LIPK: variants seen among roughly 807,000 people sequenced by gnomAD.
LIPK encodes lipase member K.
LIPK carries 32 observed loss-of-function variants against 48.6 expected under a neutral mutation model. That is an observed-to-expected ratio of 0.66 (90% CI 0.50 to 0.88). The LOEUF (loss-of-function observed/expected upper bound fraction) is 0.88, where lower values mean the gene tolerates loss of function less well. LIPK is among the 40% of genes least tolerant of loss of function. The pLI is 0.00. For missense variants in LIPK, 507 were observed against 478.5 expected, an observed-to-expected ratio of 1.06 and a Z score of -0.56; for synonymous variants, 164 against 157.4, an observed-to-expected ratio of 1.04 and a Z score of -0.32.
chr10:88,720,666 CAT>C (rs1842204625), intron 1 of LIPK, among the ~76,000 whole-genome samples: 2 of 151,774 alleles, frequency 1.3e-5, no homozygotes, highest in South Asian at 2.1e-4. Context: ...TATCCAGATA[CAT>C]GTGTGTGTAT....
Position 88,731,042 on chromosome 10 carries a change from T to G in LIPK, c.283T>G (p.Cys95Gly). Residue 95 changes from cysteine (C) to glycine (G), a missense_variant, in exon 4 of 10, where the codon TGC becomes GGC. Coordinates refer to ENST00000404190, the MANE Select transcript of LIPK (RefSeq NM_001080518.2). ...GLIASASNWI[C>G]NLPNNSLAFL... ...AATTGCATCTGCCAGTAACTGGATT[T>G]GCAACCTGCCCAACAACAGTTTGGC... The G allele has an allele frequency of 6.3e-7, 1 of 1,599,352 alleles. No individual in the cohort carries two copies. Among genetic ancestry groups the G allele is most frequent in the South Asian group, 1.1e-5 (1 of 88,084 alleles).
At chr10:88,727,967 G>A (rs547897395) in intron 3 of LIPK, 48 of 331,000 alleles carry the variant, frequency 1.5e-4, no homozygotes, top group African/African-American at 8.5e-4. Flanking sequence ...AACTTTCTGC[G>A]GCAGCTGGAC....
intron 4 of LIPK, among the ~76,000 whole-genome samples, chr10:88,731,390 C>T (rs1397713597): frequency 6.6e-6 from 1 of 152,184 alleles, no homozygotes; most frequent in Non-Finnish European, 1.5e-5. Flanking sequence ...CTCCTGCCTC[C>T]GTCCTGGTGT....
intron 7 of LIPK, 131 bp downstream of exon 7, chr10:88,737,912 A>T (rs762115163): frequency 7.4e-5 from 67 of 903,852 alleles, no homozygotes; most frequent in Non-Finnish European, 1.1e-4. Flanking sequence ...TAGTACATTT[A>T]TGGCTTCCAA....
intron 2 of LIPK, 107 bp from the exon 3 acceptor site, chr10:88,726,688 G>A (rs72822172): frequency 0.038 from 25,964 of 678,664 alleles, 660 homozygotes; most frequent in Middle Eastern, 0.059. Flanking sequence ...AGTGAGACCC[G>A]TCTCAAACAA....
At chr10:88,751,597 TA>T (rs1305436278) in intron 9 of LIPK, among the ~76,000 whole-genome samples, 4 of 152,122 alleles carry the variant, frequency 2.6e-5, no homozygotes, top group Non-Finnish European at 5.9e-5. Context: ...TGAAAATGTA[TA>T]ACTCAACTCT....
intron 1 of LIPK, among the ~76,000 whole-genome samples, chr10:88,723,701 C>T (rs114955839): frequency 0.032 from 4,872 of 151,750 alleles, 252 homozygotes; most frequent in African/African-American, 0.11. Context: ...GTGAAAAACA[C>T]TTTAAAAATG....
intron 1 of LIPK, among the ~76,000 whole-genome samples, chr10:88,720,175 G>C (rs1026634847): frequency 1.1e-4 from 16 of 152,270 alleles, no homozygotes; most frequent in Non-Finnish European, 1.5e-4. Flanking sequence ...AGTAGCAGCT[G>C]TCTCCACTGT....
intron 6 of LIPK, among the ~76,000 whole-genome samples, chr10:88,735,004 G>A (rs1337777032): frequency 1.3e-5 from 2 of 152,078 alleles, no homozygotes; most frequent in Non-Finnish European, 2.9e-5. Context: ...CATTGATGCT[G>A]CCAGTTCTTT....
chr10:88,730,936 C>T (rs1171007975), intron 3 of LIPK, 47 bp from the exon 4 acceptor site: 1 of 1,446,320 alleles, frequency 6.9e-7, no homozygotes, highest in South Asian at 1.4e-5. Context: ...TTCTTGTAGA[C>T]ACTGAGAAAG....
At chr10:88,750,385 A>G (rs1225388549) in intron 9 of LIPK, among the ~76,000 whole-genome samples, 3 of 152,242 alleles carry the variant, frequency 2.0e-5, no homozygotes, top group African/African-American at 7.2e-5. Flanking sequence ...TCACAATAGC[A>G]AAGACATGGA....
chr10:88,731,329 TCTTCACAGG>T (rs1423184344), intron 4 of LIPK, 148 bp downstream of exon 4: 1 of 665,856 alleles, frequency 1.5e-6, no homozygotes, highest in Non-Finnish European at 2.4e-6. Flanking sequence ...ACCCAAACTT[TCTTCACAGG>T]CTCTAAAGAA....
chr10:88,737,895 A>G lies in LIPK; in HGVS notation c.816+114A>G, dbSNP rs1023833682. The G allele has an allele frequency of 7.1e-6, 8 of 1,129,302 alleles. No homozygotes were observed. In the African/African-American group the frequency reaches 1.2e-4, roughly 18 times the overall value. 70.0% of individuals were successfully genotyped at this position (1,129,302 alleles called of 1,614,324 possible). A position where few individuals can be genotyped will look rare whatever the true frequency, so the allele number is the denominator to read the frequency against. On this transcript the variant is annotated intron_variant, in intron 7 of 9. Transcript: ENST00000404190. ...TCAAGGTTTCCTTTTTGCATTTGGA[A>G]TGTAATTAGTACATTTATGGCTTCC...
In LIPK at chr10:88,719,548, A is replaced by G. The variant is rs190811841; in HGVS notation, c.-11-4985A>G. On this transcript the variant is annotated intron_variant, in intron 1 of 9. Transcript: ENST00000404190. The stretch of plus-strand genomic sequence containing the variant: ...TCCACAAAGCATTCAGGGATTCATC[A>G]TTAGCTTTATTTTACCATTGATCAA... Among the ~76,000 whole-genome samples, 13 of 152,370 alleles carry G rather than the reference A, an allele frequency of 8.5e-5. No homozygotes were observed. In the East Asian group the frequency reaches 2.3e-3, roughly 27 times the overall value.
chr10:88,724,316 CT>C (rs1364502466), intron 1 of LIPK, among the ~76,000 whole-genome samples: 9 of 152,170 alleles, frequency 5.9e-5, no homozygotes, highest in African/African-American at 2.2e-4. Flanking sequence ...TTCATTCCCT[CT>C]TTTCTTCTTT....
intron 1 of LIPK, among the ~76,000 whole-genome samples, chr10:88,712,949 T>C (rs1236963534): frequency 6.6e-6 from 1 of 152,192 alleles, no homozygotes; most frequent in East Asian, 1.9e-4. Flanking sequence ...TTCTTTTGAA[T>C]AAGATTTTCA....
At chr10:88,708,948 GT>G (rs941195269) in intron 1 of LIPK, among the ~76,000 whole-genome samples, 5 of 152,044 alleles carry the variant, frequency 3.3e-5, no homozygotes, top group African/African-American at 1.2e-4. Flanking sequence ...TTTGTAAAAA[GT>G]TTTTAATGAT....
At chr10:88,743,683 G>T (rs1055313236) in intron 9 of LIPK, among the ~76,000 whole-genome samples, 1 of 152,112 alleles carries the variant, frequency 6.6e-6, no homozygotes, top group Admixed American at 6.6e-5. Flanking sequence ...GGAACACTCT[G>T]AGCAGATCTT....
intron 3 of LIPK, chr10:88,727,378 C>A (rs184831485): frequency 1.5e-5 from 3 of 195,878 alleles, no homozygotes; most frequent in African/African-American, 4.8e-5. Context: ...TACTACAATG[C>A]CTCCTCACTG....
Sources: allele counts gnomAD v4.1 joint callset (sites outside exome capture counted in the v4.1 genomes callset), GRCh38; gene constraint gnomAD v4.1.1; transcripts MANE v1.5; gene names NCBI Gene and HGNC (gene_info 2026-07-23, HGNC 2026-07-21).